Variants in KSR2 observed in about 807,000 individuals in gnomAD.
The protein encoded by KSR2 is kinase suppressor of ras 2.
KSR2 carries 25 observed loss-of-function variants against 107.8 expected under a neutral mutation model. That is an observed-to-expected ratio of 0.23 (90% confidence interval 0.17 to 0.32). The LOEUF is 0.32. Among genes scored for constraint, KSR2 ranks in the 10% least tolerant of loss-of-function variants. The pLI is 1.00. For synonymous variants in KSR2, 480 were observed against 507.0 expected (o/e 0.95, Z 0.71); for missense variants, 887 against 1,268.9 (o/e 0.70, Z 4.57).
intron 5 of KSR2, among the ~76,000 whole-genome samples, chr12:117,633,742 C>T (rs918560680): frequency 2.0e-5 from 3 of 152,134 alleles, no homozygotes; most frequent in Non-Finnish European, 2.9e-5. Flanking sequence ...CCTAACTCAT[C>T]GCATCTGCAA....
intron 4 of KSR2, among the ~76,000 whole-genome samples, chr12:117,738,528 G>A (rs1245238428): frequency 3.3e-5 from 5 of 152,028 alleles, no homozygotes; most frequent in Non-Finnish European, 7.4e-5. Context: ...AAGTATTGGT[G>A]GATCTAAACA....
intron 1 of KSR2, among the ~76,000 whole-genome samples, chr12:117,916,083 G>T (rs1274201069): frequency 1.3e-5 from 2 of 150,958 alleles, no homozygotes; most frequent in African/African-American, 4.9e-5. Flanking sequence ...ATTCTTGGGG[G>T]TCTAAAAGTT....
intron 5 of KSR2, among the ~76,000 whole-genome samples, chr12:117,646,471 C>T (rs147973597): frequency 1.4e-3 from 212 of 152,276 alleles, no homozygotes; most frequent in African/African-American, 4.5e-3. Flanking sequence ...GTGACCCTAC[C>T]GGGGCTCGCA....
chr12:117,644,110 A>C (rs1304723459), intron 5 of KSR2, among the ~76,000 whole-genome samples: 1 of 152,116 alleles, frequency 6.6e-6, no homozygotes, highest in Non-Finnish European at 1.5e-5. Context: ...ACCTCTGCAA[A>C]TGTGGATTCA....
At chr12:117,580,171 C>T (rs1879555068) in intron 6 of KSR2, among the ~76,000 whole-genome samples, 1 of 152,140 alleles carries the variant, frequency 6.6e-6, no homozygotes, top group African/African-American at 2.4e-5. Context: ...GACCGTTTTG[C>T]CTGATTTGGG....
intron 3 of KSR2, among the ~76,000 whole-genome samples, chr12:117,796,216 C>T (rs932840387): frequency 6.6e-6 from 1 of 152,186 alleles, no homozygotes; most frequent in African/African-American, 2.4e-5. Flanking sequence ...AAGGCGGAAG[C>T]CACCATGCCC....
chr12:117,725,311 C>T (rs79641957), intron 4 of KSR2, among the ~76,000 whole-genome samples: 2,887 of 152,222 alleles, frequency 0.019, 78 homozygotes, highest in African/African-American at 0.059. Flanking sequence ...GTCTTCAAGG[C>T]AGTGTGACAT....
intron 9 of KSR2, among the ~76,000 whole-genome samples, chr12:117,545,490 C>T (rs556370998): frequency 6.6e-6 from 1 of 152,198 alleles, no homozygotes; most frequent in African/African-American, 2.4e-5. Flanking sequence ...CAGGGCTATG[C>T]AAATTATACA....
chr12:117,542,724 A>C (rs1876595865), intron 9 of KSR2, among the ~76,000 whole-genome samples: 1 of 152,216 alleles, frequency 6.6e-6, no homozygotes, highest in African/African-American at 2.4e-5. Flanking sequence ...CCTGGACTCA[A>C]GCAATCCCAT....
chr12:117,655,908 T>A (rs1884132341), intron 5 of KSR2, among the ~76,000 whole-genome samples: 1 of 152,014 alleles, frequency 6.6e-6, no homozygotes, highest in Non-Finnish European at 1.5e-5. Context: ...GTGATTAAGA[T>A]CAATGGGAAA....
chr12:117,696,592 G>A (rs1415028748), intron 4 of KSR2, among the ~76,000 whole-genome samples: 1 of 152,152 alleles, frequency 6.6e-6, no homozygotes, highest in Non-Finnish European at 1.5e-5. Flanking sequence ...CTCTGTGGCT[G>A]ACCAGCTGTG....
chr12:117,666,429 T>A (rs745753012), intron 5 of KSR2, among the ~76,000 whole-genome samples: 4 of 152,224 alleles, frequency 2.6e-5, no homozygotes, highest in Non-Finnish European at 5.9e-5. Flanking sequence ...GTCATGGTTA[T>A]CAAATGATGT....
chr12:117,902,750 G>A (rs541398884), intron 1 of KSR2, among the ~76,000 whole-genome samples: 2 of 152,058 alleles, frequency 1.3e-5, no homozygotes, highest in East Asian at 3.9e-4. Flanking sequence ...TAAAAAAAAA[G>A]GTATCTGCTA....
At chr12:117,800,118 C>G (rs1431932592) in intron 3 of KSR2, among the ~76,000 whole-genome samples, 1 of 152,164 alleles carries the variant, frequency 6.6e-6, no homozygotes, top group Non-Finnish European at 1.5e-5. Context: ...TGTACATTGC[C>G]CAAACACCAC....
At chr12:117,501,991 C>G (rs1873406313) in intron 14 of KSR2, among the ~76,000 whole-genome samples, 2 of 152,264 alleles carry the variant, frequency 1.3e-5, no homozygotes, top group Admixed American at 6.5e-5. Context: ...GTCTTTCTTA[C>G]AGACCACTGA....
At chr12:117,701,119 G>C (rs1259302029) in intron 4 of KSR2, among the ~76,000 whole-genome samples, 3 of 152,020 alleles carry the variant, frequency 2.0e-5, no homozygotes, top group Admixed American at 1.3e-4. Flanking sequence ...ACAGAGTCTC[G>C]CTCTGTTACC....
intron 4 of KSR2, among the ~76,000 whole-genome samples, chr12:117,672,062 C>G (rs554907855): frequency 6.6e-6 from 1 of 152,124 alleles, no homozygotes; most frequent in Non-Finnish European, 1.5e-5. Context: ...GGGCCCACGG[C>G]GAGGACCAGC....
chr12:117,781,056 C>G (rs1356452757), intron 3 of KSR2, among the ~76,000 whole-genome samples: 2 of 152,154 alleles, frequency 1.3e-5, no homozygotes, highest in Non-Finnish European at 2.9e-5. Flanking sequence ...GTAATTAAAT[C>G]ATGGGGGCAA....
intron 1 of KSR2, among the ~76,000 whole-genome samples, chr12:117,919,496 G>T (rs1366047639): frequency 6.6e-6 from 1 of 152,196 alleles, no homozygotes; most frequent in Non-Finnish European, 1.5e-5. Context: ...GTTTGTTGCA[G>T]TACTGTTTGT....
Sources: gnomAD v4.1 joint callset for allele counts (sites outside exome capture counted in the v4.1 genomes callset) on GRCh38, gnomAD v4.1.1 for gene constraint, MANE v1.5 for transcripts, NCBI Gene and HGNC (gene_info 2026-07-23, HGNC 2026-07-21) for gene names.